The following DNAAF5 variants were observed in gnomAD, a reference collection of about 807,000 sequenced individuals.
The protein encoded by DNAAF5 is HEAT repeat containing 2.
Under a neutral mutation model 75.8 loss-of-function variants are expected in DNAAF5, and 64 were observed. That is an observed-to-expected ratio of 0.84 (90% CI 0.69 to 1.04). DNAAF5 has a LOEUF of 1.04. Among genes scored for constraint, DNAAF5 ranks in the 50% least tolerant of loss-of-function variants. The pLI is 0.00. For synonymous variants in DNAAF5, 657 were observed against 557.2 expected, an observed-to-expected ratio of 1.18 and a Z score of -2.52; for missense variants, 1,269 against 1,178.5, an observed-to-expected ratio of 1.08 and a Z score of -1.12.
intron 11 of DNAAF5, among the ~76,000 whole-genome samples, chr7:776,883 C>T (rs1023372154): frequency 7.9e-5 from 12 of 152,208 alleles, no homozygotes; most frequent in African/African-American, 1.4e-4. Context: ...TCTGTGTTTA[C>T]GGCTGCTCCC....
At chr7:784,861 C>T (rs763519172) in intron 12 of DNAAF5, among the ~76,000 whole-genome samples, 1 of 152,166 alleles carries the variant, frequency 6.6e-6, no homozygotes, top group Middle Eastern at 3.2e-3. Context: ...ATGGTCTGCC[C>T]ACAACTGCCA....
intron 4 of DNAAF5, among the ~76,000 whole-genome samples, chr7:750,403 C>T (rs908196535): frequency 6.6e-6 from 1 of 152,184 alleles, no homozygotes; most frequent in Non-Finnish European, 1.5e-5. Context: ...ACTGTACCAG[C>T]GGTCCCCTGC....
chr7:750,771 C>G (rs778060196), intron 4 of DNAAF5: 4 of 164,866 alleles, frequency 2.4e-5, no homozygotes, highest in Non-Finnish European at 5.9e-5. Context: ...TTGGAAACAC[C>G]CAGAAGCCCA....
intron 7 of DNAAF5, 147 bp downstream of exon 7, chr7:762,043 G>A (rs1375479968): frequency 2.3e-5 from 10 of 441,304 alleles, no homozygotes; most frequent in Admixed American, 8.8e-5. Flanking sequence ...GTGAGTCCCC[G>A]GGCAACGGCC....
In DNAAF5 at chr7:754,858, T is replaced by A; in HGVS notation, c.1257+37T>A. 6.9e-7 allele frequency: 1 copy of A among 1,459,098 alleles called. No individual in the cohort carries two copies. The highest frequency in any genetic ancestry group is 9.4e-7 in the Non-Finnish European group (1 of 1,067,338). The allele number at this position is 1,459,098 out of a possible 1,614,324, so 90.4% of individuals were successfully genotyped here. On this transcript the variant is annotated intron_variant, in intron 5 of 12. Coordinates refer to ENST00000297440, the MANE Select transcript of DNAAF5 (RefSeq NM_017802.4). The surrounding 1 kb of genome is among the most constrained non-coding windows in gnomAD (Gnocchi z 4.8). ...TATTCCAGTCGTGGTCGCGGAGCTG[T>A]AACTCGAGCTTAAGATCCCGCCTCT...
At chr7:741,964 C>T (rs988355012) in intron 4 of DNAAF5, among the ~76,000 whole-genome samples, 2 of 152,198 alleles carry the variant, frequency 1.3e-5, no homozygotes, top group Non-Finnish European at 2.9e-5. Context: ...AACAGGGTCT[C>T]CTGCTGCGTG....
chr7:760,638 A>C (rs570085297), intron 6 of DNAAF5, among the ~76,000 whole-genome samples: 1 of 152,338 alleles, frequency 6.6e-6, no homozygotes, highest in East Asian at 1.9e-4. Flanking sequence ...CGACAGAGCA[A>C]GACCCTGTCT....
chr7:783,444 C>G (rs1481051105), intron 12 of DNAAF5, among the ~76,000 whole-genome samples: 4 of 152,116 alleles, frequency 2.6e-5, no homozygotes, highest in African/African-American at 4.8e-5. Context: ...GACCACATGC[C>G]TGGCTTTGAC....
At chr7:782,173 C>T (rs200021413) in intron 12 of DNAAF5, among the ~76,000 whole-genome samples, 1 of 151,854 alleles carries the variant, frequency 6.6e-6, no homozygotes, top group Non-Finnish European at 1.5e-5. Flanking sequence ...GCGTGGCCGC[C>T]TCCCGACACG....
intron 9 of DNAAF5, chr7:772,350 T>C (rs114375665): frequency 6.6e-5 from 10 of 152,386 alleles, no homozygotes; most frequent in African/African-American, 2.2e-4. Context: ...GTATTTCATT[T>C]GAGCATCATG....
At chr7:769,153 T>C (rs1438210878) in intron 8 of DNAAF5, 2 of 773,250 alleles carry the variant, frequency 2.6e-6, no homozygotes. Context: ...CTCTGATGAC[T>C]GGCGGCGCCA....
intron 4 of DNAAF5, among the ~76,000 whole-genome samples, chr7:744,199 T>G (rs914857547): frequency 6.6e-6 from 1 of 152,236 alleles, no homozygotes; most frequent in Non-Finnish European, 1.5e-5. Flanking sequence ...GTTTGGTTTT[T>G]TGTTCTTGCG....
intron 12 of DNAAF5, among the ~76,000 whole-genome samples, chr7:783,082 T>C (rs1182834620): frequency 6.6e-6 from 1 of 152,230 alleles, no homozygotes; most frequent in Non-Finnish European, 1.5e-5. Flanking sequence ...GAGCTTGACT[T>C]GTATCCTCGG....
Position 745,348 on chromosome 7 carries a change from G to A in DNAAF5, c.1024+3883G>A, listed in dbSNP as rs187727761. Among the ~76,000 whole-genome samples the A allele has an allele frequency of 5.9e-5, 9 of 152,268 alleles. No homozygotes were observed. The East Asian group carries it at 1.5e-3, about 26-fold the overall frequency. ...GCACCGGAGAGGGAGGCGGGGGGTC[G>A]GGGGGACTGTTTCTGGAAGGTACGA... On this transcript the variant is annotated intron_variant, in intron 4 of 12. Coordinates refer to ENST00000297440, the MANE Select transcript of DNAAF5 (RefSeq NM_017802.4).
chr7:729,631 C>G, intron 1 of DNAAF5, 32 bp from the exon 2 acceptor site: 1 of 1,601,304 alleles, frequency 6.2e-7, no homozygotes, highest in Non-Finnish European at 8.5e-7. Flanking sequence ...GTGGGAGCAG[C>G]TCTGGTAACT....
At chr7:766,965 C>T (rs760401341) in intron 8 of DNAAF5, among the ~76,000 whole-genome samples, 8 of 150,528 alleles carry the variant, frequency 5.3e-5, no homozygotes, top group South Asian at 2.1e-4. Flanking sequence ...TCCCGCTGGG[C>T]GTGGTGGCTC....
At chr7:758,143 A>T (rs1782545506) in intron 6 of DNAAF5, among the ~76,000 whole-genome samples, 1 of 152,228 alleles carries the variant, frequency 6.6e-6, no homozygotes, top group African/African-American at 2.4e-5. Flanking sequence ...TTAACACATC[A>T]TCGAATGTGT....
chr7:759,092 C>T (rs560316862), intron 6 of DNAAF5, among the ~76,000 whole-genome samples: 20 of 152,308 alleles, frequency 1.3e-4, no homozygotes, highest in African/African-American at 3.4e-4. Context: ...CCCCTGTGCT[C>T]TTCCCGCGGC....
rs191334755 is a variant in DNAAF5 at position 774,809 on chromosome 7, G to A, written c.2083-197G>A. On this transcript the variant is annotated intron_variant, in intron 10 of 12. Transcript: ENST00000297440. ...CTCACCTAGGAGTTGTGAACAGTGT[G>A]CGTATTTTCTAAAAATCAAGTAAGC... is the stretch of plus-strand genomic sequence containing the variant. Among the ~76,000 whole-genome samples the A allele has an allele frequency of 3.2e-3, 492 of 152,314 alleles. 5 individuals are homozygous for A. The highest frequency in any genetic ancestry group is 0.011 in the African/African-American group (478 of 41,580).
Sources: allele counts gnomAD v4.1 joint callset (sites outside exome capture counted in the v4.1 genomes callset), GRCh38; gene constraint gnomAD v4.1.1; non-coding constraint Gnocchi (gnomAD v3.1); transcripts MANE v1.5; gene names NCBI Gene and HGNC (gene_info 2026-07-23, HGNC 2026-07-21).